The following NEK11 variants were observed in gnomAD, a reference collection of about 807,000 sequenced individuals.
The protein encoded by NEK11 is NIMA related kinase 11, also known as serine/threonine-protein kinase Nek11.
Under a neutral mutation model 80.7 loss-of-function variants are expected in NEK11, and 72 were observed. The ratio of observed to expected loss-of-function variants is 0.89; its 90% CI spans 0.74 to 1.08. The LOEUF (loss-of-function observed/expected upper bound fraction) is 1.08, where lower values mean the gene tolerates loss of function less well. Ranked by LOEUF, NEK11 falls within the 50% of genes least tolerant of loss-of-function variation. NEK11 has a pLI of 0.00. For synonymous variants in NEK11, 251 were observed against 260.7 expected, an observed-to-expected ratio of 0.96 and a Z score of 0.36; for missense variants, 764 against 763.6, an observed-to-expected ratio of 1.00 and a Z score of -0.01.
At chr3:131,245,815 T>C (rs1209161387) in intron 16 of NEK11, among the ~76,000 whole-genome samples, 3 of 152,084 alleles carry the variant, frequency 2.0e-5, no homozygotes, top group African/African-American at 7.2e-5. Flanking sequence ...TTTTGTTTTT[T>C]GTTTTTTTGT....
chr3:131,213,747 C>G (rs2094714593), intron 14 of NEK11, among the ~76,000 whole-genome samples: 1 of 152,186 alleles, frequency 6.6e-6, no homozygotes, highest in African/African-American at 2.4e-5. Flanking sequence ...CTACTCCAGT[C>G]CTGCCAATCT....
chr3:131,273,526 C>T lies in NEK11; in HGVS notation c.1670C>T (p.Pro557Leu). ...TMAEDMSPGPPIFNSVMARTK... is the reference protein window; with the variant it reads ...TMAEDMSPGPLIFNSVMARTK... ...GCTGAAGACATGTCCCCAGGACCAC[C>T]AATTTTCAACAGTGTGATGGCCAGG... is the stretch of plus-strand genomic sequence containing the variant. Residue 557 changes from proline to leucine, a missense_variant, in exon 17 of 18, where the codon CCA becomes CTA. Pro to Leu is a moderately conservative substitution (Grantham distance 98). Transcript: ENST00000383366. 6.2e-7 allele frequency: 1 copy of T among 1,614,018 alleles called. No individual in the cohort carries two copies. The highest frequency in any genetic ancestry group is 1.1e-5 in the South Asian group (1 of 91,074).
chr3:131,154,880 A>G, intron 9 of NEK11, 156 bp from the exon 10 acceptor site: 1 of 545,976 alleles, frequency 1.8e-6, no homozygotes. Context: ...AGCTACATGT[A>G]ATTTTACATA....
chr3:131,217,620 C>T (rs954236294), intron 14 of NEK11, among the ~76,000 whole-genome samples: 1 of 152,152 alleles, frequency 6.6e-6, no homozygotes, highest in Non-Finnish European at 1.5e-5. Flanking sequence ...GTGAATTTGG[C>T]GTCTTACAGA....
intron 17 of NEK11, among the ~76,000 whole-genome samples, chr3:131,318,500 T>G (rs978612667): frequency 5.3e-5 from 8 of 152,242 alleles, no homozygotes; most frequent in African/African-American, 1.9e-4. Flanking sequence ...TACAGAATTT[T>G]TTTAATAACA....
intron 16 of NEK11, among the ~76,000 whole-genome samples, chr3:131,259,869 A>G (rs1490592905): frequency 2.0e-5 from 3 of 152,206 alleles, no homozygotes; most frequent in African/African-American, 7.2e-5. Context: ...GAGGATCTGC[A>G]TAGTGCATCT....
At chr3:131,171,981 A>G (rs2092721154) in intron 14 of NEK11, among the ~76,000 whole-genome samples, 1 of 152,204 alleles carries the variant, frequency 6.6e-6, no homozygotes, top group East Asian at 1.9e-4. Context: ...GAAAATAGGA[A>G]AGAGCTAGAA....
chr3:131,121,589 G>A (rs1354029577), intron 5 of NEK11, among the ~76,000 whole-genome samples: 1 of 152,210 alleles, frequency 6.6e-6, no homozygotes, highest in African/African-American at 2.4e-5. Flanking sequence ...CAGTGGTGGA[G>A]TCTACAGAGG....
chr3:131,094,704 C>G (rs1288013051), intron 4 of NEK11, among the ~76,000 whole-genome samples: 2 of 152,160 alleles, frequency 1.3e-5, no homozygotes, highest in Non-Finnish European at 2.9e-5. Context: ...CATCCAGAAA[C>G]TATTCATTGA....
In NEK11 at chr3:131,119,526, G is replaced by T. The variant is rs1452848595; in HGVS notation, c.455+9605G>T. 3.3e-5 allele frequency among the ~76,000 whole-genome samples: 5 copies of T among 152,238 alleles called. No homozygotes were observed. The East Asian group carries it at 7.7e-4, about 24-fold the overall frequency. ...CTGAGTTCAAATCCTGGATATCCTTGTTAACTTTCTGTCTTGTTGTTCTGC... is the reference window on the plus strand; with the variant it reads ...CTGAGTTCAAATCCTGGATATCCTTTTTAACTTTCTGTCTTGTTGTTCTGC... On this transcript the variant is annotated intron_variant, in intron 5 of 17. Transcript: ENST00000383366.
chr3:131,137,919 A>G (rs1396236508), intron 7 of NEK11, among the ~76,000 whole-genome samples: 1 of 152,204 alleles, frequency 6.6e-6, no homozygotes, highest in Non-Finnish European at 1.5e-5. Context: ...GGTACATGAA[A>G]TATTTTGATA....
chr3:131,194,626 T>C (rs1484267186), intron 14 of NEK11, among the ~76,000 whole-genome samples: 1 of 152,032 alleles, frequency 6.6e-6, no homozygotes, highest in African/African-American at 2.4e-5. Context: ...AATTAAATAA[T>C]TATCTCAACA....
chr3:131,154,469 C>T (rs935986672), intron 9 of NEK11, among the ~76,000 whole-genome samples: 2 of 152,092 alleles, frequency 1.3e-5, no homozygotes, highest in Non-Finnish European at 2.9e-5. Context: ...AAGACAGAAT[C>T]CAGCAGGGCC....
chr3:131,241,250 A>G (rs932522176), intron 15 of NEK11, among the ~76,000 whole-genome samples: 1 of 152,122 alleles, frequency 6.6e-6, no homozygotes, highest in Non-Finnish European at 1.5e-5. Context: ...CAGTAATTCT[A>G]TTTCTGATGG....
intron 14 of NEK11, among the ~76,000 whole-genome samples, chr3:131,179,663 A>G (rs1004942578): frequency 3.9e-5 from 6 of 152,214 alleles, no homozygotes; most frequent in African/African-American, 1.4e-4. Context: ...TTATTGGAAA[A>G]TGAGTCAAGT....
At chr3:131,272,778 G>C (rs1336129257) in intron 16 of NEK11, among the ~76,000 whole-genome samples, 1 of 151,942 alleles carries the variant, frequency 6.6e-6, no homozygotes, top group African/African-American at 2.4e-5. Context: ...ACCCAACCCA[G>C]TTTTAGCTTT....
intron 14 of NEK11, among the ~76,000 whole-genome samples, chr3:131,196,359 A>C (rs1396174621): frequency 1.3e-4 from 20 of 152,162 alleles, no homozygotes; most frequent in Admixed American, 1.0e-3. Flanking sequence ...CACAAAAATA[A>C]ATTTCAGTGA....
chr3:131,284,795 T>C (rs1308128336), intron 17 of NEK11, among the ~76,000 whole-genome samples: 2 of 152,200 alleles, frequency 1.3e-5, no homozygotes, highest in Admixed American at 6.5e-5. Flanking sequence ...CTTGGACTCT[T>C]GGACTTACAC....
At chr3:131,059,531 A>G (rs190762037) in intron 3 of NEK11, among the ~76,000 whole-genome samples, 23 of 152,332 alleles carry the variant, frequency 1.5e-4, no homozygotes, top group African/African-American at 5.5e-4. Context: ...CCATTCATTG[A>G]TGCCCTTTAA....
Sources: allele counts gnomAD v4.1 joint callset (sites outside exome capture counted in the v4.1 genomes callset), GRCh38; gene constraint gnomAD v4.1.1; transcripts MANE v1.5; gene names NCBI Gene and HGNC (gene_info 2026-07-23, HGNC 2026-07-21).